The following FAXDC2 variants were observed in gnomAD, a reference collection of about 807,000 sequenced individuals.
The protein encoded by FAXDC2 is fatty acid hydroxylase domain containing 2.
A neutral mutation model predicts 40.9 loss-of-function variants in FAXDC2; 41 were observed. That is an observed-to-expected ratio of 1.00 (90% confidence interval 0.78 to 1.30). The LOEUF (loss-of-function observed/expected upper bound fraction) is 1.30. Ranked by LOEUF, FAXDC2 falls within the 50% of genes most tolerant of loss-of-function variation. FAXDC2 has a pLI of 0.00. For synonymous variants in FAXDC2, 157 were observed against 149.3 expected, an observed-to-expected ratio of 1.05 and a Z score of -0.38; for missense variants, 390 against 408.8, an observed-to-expected ratio of 0.95 and a Z score of 0.40.
chr5:154,847,238 T>C (rs1417685246), intron 1 of FAXDC2, among the ~76,000 whole-genome samples: 1 of 152,138 alleles, frequency 6.6e-6, no homozygotes, highest in East Asian at 1.9e-4. Context: ...ATTCCAGGCA[T>C]GAGCCACTCT....
At chr5:154,840,521 G>A (rs1390782154) in intron 1 of FAXDC2, among the ~76,000 whole-genome samples, 1 of 151,984 alleles carries the variant, frequency 6.6e-6, no homozygotes, top group Non-Finnish European at 1.5e-5. Context: ...ACCATGCCCA[G>A]CCTCATTCAC....
At chr5:154,845,298 A>G (rs1168308914) in intron 1 of FAXDC2, among the ~76,000 whole-genome samples, 1 of 152,256 alleles carries the variant, frequency 6.6e-6, no homozygotes, top group Middle Eastern at 3.2e-3. Flanking sequence ...TCTTCACCCA[A>G]AGAAGCTCCT....
At chr5:154,829,417 G>A (rs1183753175) in intron 5 of FAXDC2, 2 of 154,234 alleles carry the variant, frequency 1.3e-5, no homozygotes, top group African/African-American at 4.8e-5. Flanking sequence ...GCCTCGTGAG[G>A]TTCTTTCCTG....
At chr5:154,832,954 T>G (rs1441378661) in intron 4 of FAXDC2, among the ~76,000 whole-genome samples, 1 of 152,218 alleles carries the variant, frequency 6.6e-6, no homozygotes, top group Non-Finnish European at 1.5e-5. Flanking sequence ...TGCATTTTGC[T>G]TTATAGCAAC....
chr5:154,835,008 G>GC (rs1280301072), intron 2 of FAXDC2, 74 bp from the exon 3 acceptor site: 1 of 933,354 alleles, frequency 1.1e-6, no homozygotes, highest in Non-Finnish European at 1.7e-6. Context: ...CTGAGGCACA[G>GC]CGGGAGTGCT....
intron 1 of FAXDC2, among the ~76,000 whole-genome samples, chr5:154,838,406 G>C (rs762981916): frequency 1.5e-4 from 23 of 152,248 alleles, no homozygotes; most frequent in Non-Finnish European, 2.4e-4. Flanking sequence ...TGGTGGAAGG[G>C]AGGGGGCTAC....
intron 5 of FAXDC2, among the ~76,000 whole-genome samples, chr5:154,828,530 T>C (rs1020232805): frequency 6.6e-6 from 1 of 151,798 alleles, no homozygotes; most frequent in African/African-American, 2.4e-5. Flanking sequence ...AGCATGTGGG[T>C]GCAGGTACTG....
rs368725252 is a variant in FAXDC2, at chr5:154,823,535, T to A, written c.424A>T (p.Ile142Leu). ...AGGAAGACCACCATGGGGAAAGATATCATGCACTGGTTGAAAAGAACTGTG... is the reference window on the plus strand; with the variant it reads ...AGGAAGACCACCATGGGGAAAGATAACATGCACTGGTTGAAAAGAACTGTG... ...IRTVLFNQCM[I>L]SFPMVVFLYP... The change falls in exon 6 of 9, where the codon ATA (isoleucine) becomes TTA (leucine). Residue 142 changes from isoleucine to leucine, a missense_variant. Transcript: ENST00000326080. 3 of 1,614,108 alleles carry A rather than the reference T, an allele frequency of 1.9e-6. No individual in the cohort carries two copies. Among genetic ancestry groups the A allele is most frequent in the Non-Finnish European group, 2.5e-6 (3 of 1,180,010 alleles).
intron 1 of FAXDC2, among the ~76,000 whole-genome samples, chr5:154,848,693 G>A (rs1582545233): frequency 6.6e-6 from 1 of 152,290 alleles, no homozygotes; most frequent in East Asian, 1.9e-4. Context: ...GCGGCCAGGA[G>A]CGGTGGCTCG....
At chr5:154,833,693 G>A (rs1214374536) in intron 4 of FAXDC2, among the ~76,000 whole-genome samples, 1 of 149,510 alleles carries the variant, frequency 6.7e-6, no homozygotes, top group Non-Finnish European at 1.5e-5. Flanking sequence ...TTTTTGAGAC[G>A]AAGTTTCACA....
chr5:154,829,339 T>C (rs886143292), intron 5 of FAXDC2: 57 of 152,630 alleles, frequency 3.7e-4, no homozygotes, highest in African/African-American at 1.4e-3. Context: ...AGCTCCCCAC[T>C]TGAGGATCTG....
intron 5 of FAXDC2, among the ~76,000 whole-genome samples, chr5:154,828,133 G>A (rs1760091181): frequency 6.6e-6 from 1 of 151,304 alleles, no homozygotes; most frequent in Non-Finnish European, 1.5e-5. Flanking sequence ...ACAGGCGTGA[G>A]CCACCACACC....
intron 4 of FAXDC2, among the ~76,000 whole-genome samples, chr5:154,833,053 T>C (rs956385229): frequency 5.9e-5 from 9 of 152,132 alleles, no homozygotes; most frequent in African/African-American, 2.2e-4. Flanking sequence ...TTTTTTTTTT[T>C]TGAGACAGGG....
chr5:154,821,453 A>G (rs749114950), intron 7 of FAXDC2, 27 bp from the exon 8 acceptor site: 4 of 1,597,154 alleles, frequency 2.5e-6, no homozygotes, highest in Non-Finnish European at 3.4e-6. Context: ...GATTGAAGGC[A>G]GGGTCCAGGG....
At chr5:154,823,676 C>T (rs1759945969) in intron 5 of FAXDC2, 84 bp from the exon 6 acceptor site, 1 of 1,137,704 alleles carries the variant, frequency 8.8e-7, no homozygotes, top group Non-Finnish European at 1.3e-6. Flanking sequence ...GGCCCTCACT[C>T]TGGTTGGATT....
At chr5:154,825,221 A>C (rs544050248) in intron 5 of FAXDC2, among the ~76,000 whole-genome samples, 4 of 151,076 alleles carry the variant, frequency 2.6e-5, no homozygotes, top group Non-Finnish European at 5.9e-5. Flanking sequence ...AAACTTAGCT[A>C]GGCGTGGTGG....
intron 4 of FAXDC2, among the ~76,000 whole-genome samples, chr5:154,832,197 T>G (rs901764120): frequency 2.6e-5 from 4 of 151,680 alleles, no homozygotes; most frequent in African/African-American, 9.7e-5. Flanking sequence ...TTTTTAACAA[T>G]GAGCACATAT....
chr5:154,836,615 G>T (rs1262671109), intron 2 of FAXDC2, among the ~76,000 whole-genome samples: 2 of 152,066 alleles, frequency 1.3e-5, no homozygotes, highest in Non-Finnish European at 2.9e-5. Context: ...GTGTCAGAGG[G>T]GATGTTGGAG....
chr5:154,825,995 A>T (rs1026031924), intron 5 of FAXDC2, among the ~76,000 whole-genome samples: 1 of 152,114 alleles, frequency 6.6e-6, no homozygotes, highest in African/African-American at 2.4e-5. Flanking sequence ...CCACGTGGAG[A>T]TGTCAAGGAG....
Sources: allele counts gnomAD v4.1 joint callset (sites outside exome capture counted in the v4.1 genomes callset), GRCh38; gene constraint gnomAD v4.1.1; transcripts MANE v1.5; gene names NCBI Gene and HGNC (gene_info 2026-07-23, HGNC 2026-07-21).